The following ADCY2 variants were observed in gnomAD, a reference collection of about 807,000 sequenced individuals.
ADCY2 encodes the protein adenylate cyclase 2.
ADCY2 carries 31 observed loss-of-function variants against 125.2 expected under a neutral mutation model. That is an observed-to-expected ratio of 0.25 (90% CI 0.19 to 0.33). The LOEUF is 0.33. Among genes scored for constraint, ADCY2 ranks in the 10% least tolerant of loss-of-function variants. The pLI, the probability that ADCY2 is intolerant of heterozygous loss-of-function variation, is 1.00. For synonymous variants in ADCY2, 512 were observed against 548.4 expected (o/e 0.93, Z 0.93); for missense variants, 904 against 1,418.2 (o/e 0.64, Z 5.82).
At chr5:7,756,404 A>G (rs773166622) in intron 15 of ADCY2, among the ~76,000 whole-genome samples, 2 of 152,254 alleles carry the variant, frequency 1.3e-5, no homozygotes, top group Non-Finnish European at 2.9e-5. Flanking sequence ...ATAGCCGCAT[A>G]TTCACAACAG....
chr5:7,504,798 C>T (rs1339488630), intron 2 of ADCY2, among the ~76,000 whole-genome samples: 1 of 151,698 alleles, frequency 6.6e-6, no homozygotes, highest in Non-Finnish European at 1.5e-5. Context: ...TGTGAGCCAC[C>T]ATGCCTGACC....
chr5:7,653,644 G>A (rs1376874508), intron 4 of ADCY2, among the ~76,000 whole-genome samples: 1 of 151,828 alleles, frequency 6.6e-6, no homozygotes, highest in African/African-American at 2.4e-5. Flanking sequence ...TCTTTTCCTG[G>A]CACACAGAGC....
At chr5:7,510,394 C>T (rs927393880) in intron 2 of ADCY2, among the ~76,000 whole-genome samples, 3 of 152,202 alleles carry the variant, frequency 2.0e-5, no homozygotes, top group East Asian at 1.9e-4. Context: ...GCAAGAGTAA[C>T]TCTGATCACA....
At chr5:7,602,536 G>A (rs1460980909) in intron 3 of ADCY2, among the ~76,000 whole-genome samples, 1 of 152,104 alleles carries the variant, frequency 6.6e-6, no homozygotes, top group Non-Finnish European at 1.5e-5. Flanking sequence ...GTCTCCTCTA[G>A]TTGGTTCCAC....
chr5:7,437,939 A>G (rs1284600076), intron 2 of ADCY2, among the ~76,000 whole-genome samples: 1 of 152,178 alleles, frequency 6.6e-6, no homozygotes, highest in East Asian at 1.9e-4. Context: ...TGTTGGCAAG[A>G]TTTTTGTGCT....
chr5:7,745,557 A>G (rs1174261810), intron 15 of ADCY2, among the ~76,000 whole-genome samples: 1 of 152,168 alleles, frequency 6.6e-6, no homozygotes, highest in Non-Finnish European at 1.5e-5. Flanking sequence ...GCAAAGTTTG[A>G]AAACGCTTAT....
At chr5:7,697,823 A>G (rs1740944404) in intron 6 of ADCY2, among the ~76,000 whole-genome samples, 2 of 152,342 alleles carry the variant, frequency 1.3e-5, no homozygotes, top group Admixed American at 1.3e-4. Context: ...AACCATAAGC[A>G]CAGTAGGGAA....
At chr5:7,414,112 A>G (rs542314048) in intron 1 of ADCY2, among the ~76,000 whole-genome samples, 2 of 152,362 alleles carry the variant, frequency 1.3e-5, no homozygotes, top group East Asian at 3.9e-4. Flanking sequence ...ATGCATTAAA[A>G]TAAAAGCTCA....
intron 22 of ADCY2, among the ~76,000 whole-genome samples, chr5:7,815,270 G>T (rs755511447): frequency 4.6e-5 from 7 of 152,216 alleles, no homozygotes; most frequent in Non-Finnish European, 7.3e-5. Context: ...ATAGAGCAAA[G>T]TCTCTACCCT....
chr5:7,753,501 A>T (rs1404456546), intron 15 of ADCY2, among the ~76,000 whole-genome samples: 1 of 152,206 alleles, frequency 6.6e-6, no homozygotes, highest in Admixed American at 6.5e-5. Context: ...AATAAAGGCC[A>T]AAATATTTTT....
chr5:7,458,918 G>A (rs930093814), intron 2 of ADCY2, among the ~76,000 whole-genome samples: 3 of 152,164 alleles, frequency 2.0e-5, no homozygotes, highest in African/African-American at 7.2e-5. Flanking sequence ...GGCTGCTCAC[G>A]GGACTGGCCA....
intron 22 of ADCY2, 22 bp downstream of exon 22, chr5:7,804,714 A>G (rs1191038111): frequency 5.0e-6 from 8 of 1,587,882 alleles, no homozygotes; most frequent in Non-Finnish European, 6.1e-6. Context: ...TGGCCACTTA[A>G]CGGCACAGGT....
rs58926524 is a variant in ADCY2, at chr5:7,555,854, G to GCACA, written c.570+34982_570+34985dup. 1.2e-3 allele frequency among the ~76,000 whole-genome samples: 168 copies of GCACA among 142,638 alleles called. 1 individual carries two copies. Among genetic ancestry groups the GCACA allele is most frequent in the East Asian group, 5.2e-3 (25 of 4,770 alleles). 93.6% of individuals were successfully genotyped at this position (142,638 alleles called of 152,430 possible). On this transcript the variant is annotated intron_variant, in intron 3 of 24. Transcript: ENST00000338316. ...CCTTCTTTTACAGACACATGTGAGC[G>GCACA]CACACACACACACACACACACACAC...
At chr5:7,750,183 T>A (rs1742760177) in intron 15 of ADCY2, among the ~76,000 whole-genome samples, 1 of 152,178 alleles carries the variant, frequency 6.6e-6, no homozygotes, top group Non-Finnish European at 1.5e-5. Context: ...TACTTGTTTT[T>A]CCTTCTTTTC....
chr5:7,407,227 A>G (rs1032598513), intron 1 of ADCY2, among the ~76,000 whole-genome samples: 3 of 152,230 alleles, frequency 2.0e-5, no homozygotes, highest in African/African-American at 7.2e-5. Context: ...ACAGTTACTC[A>G]GAAGTCTTTG....
intron 3 of ADCY2, among the ~76,000 whole-genome samples, chr5:7,621,248 A>G (rs976469211): frequency 6.6e-6 from 1 of 152,120 alleles, no homozygotes; most frequent in African/African-American, 2.4e-5. Flanking sequence ...TCTCCTCTAA[A>G]CACGCACAGA....
At chr5:7,483,182 C>CA (rs1002032688) in intron 2 of ADCY2, among the ~76,000 whole-genome samples, 5 of 151,982 alleles carry the variant, frequency 3.3e-5, no homozygotes, top group Non-Finnish European at 1.5e-5. Context: ...ATATTTCCAA[C>CA]AAAAAATGAC....
At chr5:7,425,403 A>T (rs1343859820) in intron 2 of ADCY2, among the ~76,000 whole-genome samples, 1 of 152,218 alleles carries the variant, frequency 6.6e-6, no homozygotes, top group Non-Finnish European at 1.5e-5. Flanking sequence ...GTTCTATCCC[A>T]AGAAACATTC....
At chr5:7,508,974 G>C (rs1042367158) in intron 2 of ADCY2, among the ~76,000 whole-genome samples, 9 of 152,188 alleles carry the variant, frequency 5.9e-5, no homozygotes, top group African/African-American at 2.2e-4. Flanking sequence ...CCCACATTCA[G>C]TCATAAGACA....
Sources: gnomAD v4.1 joint callset for allele counts (sites outside exome capture counted in the v4.1 genomes callset) on GRCh38, gnomAD v4.1.1 for gene constraint, MANE v1.5 for transcripts, NCBI Gene and HGNC (gene_info 2026-07-23, HGNC 2026-07-21) for gene names.